The following PTS variants were observed in gnomAD, a reference collection of about 807,000 sequenced individuals.
PTS encodes the protein 6-pyruvoyltetrahydropterin synthase.
In PTS, 23 loss-of-function variants were observed where a neutral mutation model predicts 20.6. That is an observed-to-expected ratio of 1.12 (90% CI 0.80 to 1.58). The LOEUF is 1.58. Ranked by LOEUF, PTS falls within the 40% of genes most tolerant of loss-of-function variation. The pLI, the probability that PTS is intolerant of heterozygous loss-of-function variation, is 0.00. For synonymous variants in PTS, 65 were observed against 62.5 expected, an observed-to-expected ratio of 1.04 and a Z score of -0.19; for missense variants, 186 against 182.4, an observed-to-expected ratio of 1.02 and a Z score of -0.11.
intron 1 of PTS, among the ~76,000 whole-genome samples, chr11:112,227,651 G>C (rs2518350): frequency 0.63 from 95,282 of 151,824 alleles, 31,293 homozygotes; most frequent in East Asian, 0.8. Context: ...GGGAGCAAGA[G>C]AGAGGAGAGG....
At position 112,226,517 on chromosome 11, in the gene PTS, G is replaced by A. The variant is rs104894273; in HGVS notation, c.74G>A (p.Arg25Gln). 6.3e-7 allele frequency: 1 copy of A among 1,582,860 alleles called. No individual in the cohort carries two copies. The highest frequency in any genetic ancestry group is 1.2e-5 in the South Asian group (1 of 86,260). The change falls in exon 1 of 6, where the codon CGA becomes CAA. Residue 25 changes from arginine (R) to glutamine (Q), a missense_variant. Coordinates refer to ENST00000280362, the MANE Select transcript of PTS (RefSeq NM_000317.3). ...CGCATCTCCTTCAGCGCGAGCCACCGATTGTACAGGTAGGGTGTGCACACA... is the reference window on the plus strand; with the variant it reads ...CGCATCTCCTTCAGCGCGAGCCACCAATTGTACAGGTAGGGTGTGCACACA... Reference protein sequence around the residue: ...SRRISFSASHRLYSKFLSDEE... With the variant: ...SRRISFSASHQLYSKFLSDEE...
At chr11:112,233,345 A>G in intron 5 of PTS, 87 bp from the exon 6 acceptor site, 1 of 1,534,522 alleles carries the variant, frequency 6.5e-7, no homozygotes, top group Middle Eastern at 1.7e-4. Flanking sequence ...TTTCGAAACT[A>G]GAATTTCTAT....
In PTS at chr11:112,230,246, AT is replaced by A. The variant is rs773603067; in HGVS notation, c.186+19del. The A allele has an allele frequency of 1.8e-5, 29 of 1,612,380 alleles. No homozygotes were observed. In the African/African-American group the frequency reaches 3.9e-4, roughly 22 times the overall value. ...ACATGGAGAGGTATGTGCAGAAAATATTTGTGTGGTTTTTGCAGATTGCTGG... is the reference window on the plus strand; with the variant it reads ...ACATGGAGAGGTATGTGCAGAAAATATTGTGTGGTTTTTGCAGATTGCTGG... On this transcript the variant is annotated intron_variant, in intron 3 of 5. Transcript: ENST00000280362.
At chr11:112,226,770 G>A (rs1390124374) in intron 1 of PTS, among the ~76,000 whole-genome samples, 1 of 151,978 alleles carries the variant, frequency 6.6e-6, no homozygotes, top group African/African-American at 2.4e-5. Context: ...TGCGGAGGGC[G>A]ATGGCCCACG....
chr11:112,229,089 C>A, intron 2 of PTS: 1 of 189,016 alleles, frequency 5.3e-6, no homozygotes. Flanking sequence ...CAGCAGTGTT[C>A]GAAGAAAGTA....
At chr11:112,231,625 A>G (rs1014754490) in intron 4 of PTS, among the ~76,000 whole-genome samples, 2 of 152,170 alleles carry the variant, frequency 1.3e-5, no homozygotes, top group African/African-American at 4.8e-5. Context: ...CATATATTCA[A>G]CAAATTTCTC....
chr11:112,228,389 C>T (rs1859891574), intron 1 of PTS: 3 of 600,042 alleles, frequency 5.0e-6, no homozygotes, highest in East Asian at 5.6e-5. Context: ...ATGGTACAAT[C>T]TTCTAATTAG....
chr11:112,228,604 A>C lies in PTS; in HGVS notation c.94A>C (p.Ser32Arg), dbSNP rs747134219. Residue 32 changes from serine (S) to arginine (R), a missense_variant, in exon 2 of 6, where the codon AGT becomes CGT. Transcript: ENST00000280362. ...TTTTTTTTTGGTCAGTAAATTTCTA[A>C]GTGATGAAGAAAACTTGAAACTGTT... ...ASHRLYSKFL[S>R]DEENLKLFGK... 2.5e-6 allele frequency: 4 copies of C among 1,599,954 alleles called. No homozygotes were observed. The highest frequency in any genetic ancestry group is 3.4e-6 in the Non-Finnish European group (4 of 1,177,240).
At chr11:112,226,779 C>T (rs1248015486) in intron 1 of PTS, among the ~76,000 whole-genome samples, 2 of 151,864 alleles carry the variant, frequency 1.3e-5, no homozygotes, top group African/African-American at 4.8e-5. Flanking sequence ...CGATGGCCCA[C>T]GTCTGGGTGC....
chr11:112,227,518 T>C (rs547775226), intron 1 of PTS, among the ~76,000 whole-genome samples: 1 of 152,200 alleles, frequency 6.6e-6, no homozygotes, highest in South Asian at 2.1e-4. Flanking sequence ...AAGAGGTTTA[T>C]TTGGTTCTGC....
At chr11:112,230,157 G>A in intron 2 of PTS, 51 bp from the exon 3 acceptor site, 1 of 1,555,542 alleles carries the variant, frequency 6.4e-7, no homozygotes, top group African/African-American at 1.4e-5. Context: ...CTTGGATGTT[G>A]ATCTGTTGAA....
rs1241910884 is a variant in PTS, at chr11:112,231,033, TTTA to T, written c.243+352_243+354del. On this transcript the variant is annotated intron_variant, in intron 4 of 5. Transcript: ENST00000280362. The stretch of plus-strand genomic sequence containing the variant: ...TACTGTCTTTCTTTTTTTTTTTTTT[TTTA>T]AATAGGCACAGAACCAATGCAAACT... Among the ~76,000 whole-genome samples the T allele has an allele frequency of 5.7e-3, 858 of 151,174 alleles. 6 individuals carry two copies. The highest frequency in any genetic ancestry group is 6.9e-3 in the African/African-American group (284 of 41,232).
At chr11:112,227,111 T>C (rs1319906536) in intron 1 of PTS, among the ~76,000 whole-genome samples, 2 of 151,584 alleles carry the variant, frequency 1.3e-5, no homozygotes, top group African/African-American at 4.8e-5. Context: ...GCAGCATAGT[T>C]GGGATTTGAA....
chr11:112,233,180 C>A lies in PTS; in HGVS notation c.261C>A (p.Pro87=), dbSNP rs1280116693. ...GTCTCTAGGAGGCGATTATGCAGCC[C>A]CTTGATCATAAGAATCTGGATATGG... ...KKYMEEAIMQ[P]LDHKNLDMDV... The change falls in exon 5 of 6, where the codon CCC becomes CCA. Residue 87 remains proline (P), a synonymous_variant. Transcript: ENST00000280362. 4.3e-6 allele frequency: 7 copies of A among 1,613,956 alleles called. No individual in the cohort carries two copies. Among genetic ancestry groups the A allele is most frequent in the Non-Finnish European group, 5.1e-6 (6 of 1,179,924 alleles).
At chr11:112,230,171 C>A in intron 2 of PTS, 37 bp from the exon 3 acceptor site, 1 of 1,597,494 alleles carries the variant, frequency 6.3e-7, no homozygotes, top group South Asian at 1.1e-5. Context: ...TGTTGAAAGT[C>A]ATGCTGTTTT....
intron 1 of PTS, among the ~76,000 whole-genome samples, chr11:112,227,238 C>T (rs981128559): frequency 1.3e-5 from 2 of 152,022 alleles, no homozygotes; most frequent in African/African-American, 4.8e-5. Flanking sequence ...ATGAGGATGA[C>T]CATCGCTATC....
chr11:112,230,755 C>G, intron 4 of PTS, 73 bp downstream of exon 4: 1 of 1,269,986 alleles, frequency 7.9e-7, no homozygotes, highest in Non-Finnish European at 1.2e-6. Context: ...ATCTACCTCC[C>G]CAACCAGTTA....
chr11:112,231,825 G>C (rs1352450726), intron 4 of PTS, among the ~76,000 whole-genome samples: 1 of 149,878 alleles, frequency 6.7e-6, no homozygotes, highest in East Asian at 2.0e-4. Context: ...TATACAGATA[G>C]GGCCAGCATG....
intron 2 of PTS, 189 bp downstream of exon 2, chr11:112,228,862 T>C (rs1859897659): frequency 4.8e-6 from 3 of 627,676 alleles, no homozygotes; most frequent in Non-Finnish European, 8.3e-6. Context: ...AGTTTTACCT[T>C]GCAATGTCAA....
Sources: allele counts gnomAD v4.1 joint callset (sites outside exome capture counted in the v4.1 genomes callset), GRCh38; gene constraint gnomAD v4.1.1; transcripts MANE v1.5; gene names NCBI Gene and HGNC (gene_info 2026-07-23, HGNC 2026-07-21).